The following ZNF561 variants were observed in gnomAD, a reference collection of about 807,000 sequenced individuals.
ZNF561 encodes zinc finger protein 561.
In ZNF561, 16 loss-of-function variants were observed where a neutral mutation model predicts 16.7. The ratio of observed to expected loss-of-function variants is 0.96; its 90% CI spans 0.65 to 1.45. The LOEUF (loss-of-function observed/expected upper bound fraction) is 1.45, where lower values mean the gene tolerates loss of function less well. Among genes scored for constraint, ZNF561 ranks in the 40% most tolerant of loss-of-function variants. The pLI is 0.00. For synonymous variants in ZNF561, 190 were observed against 192.1 expected (o/e 0.99, Z 0.09); for missense variants, 580 against 578.0 (o/e 1.00, Z -0.04).
At chr19:9,612,002 G>T (rs115694358) in intron 5 of ZNF561, among the ~76,000 whole-genome samples, 10 of 151,710 alleles carry the variant, frequency 6.6e-5, no homozygotes, top group South Asian at 6.3e-4. Context: ...ATTTCGGCTC[G>T]TTGCAAACTC....
intron 4 of ZNF561, 50 bp downstream of exon 4, chr19:9,616,995 G>A: frequency 6.4e-7 from 1 of 1,556,240 alleles, no homozygotes; most frequent in Non-Finnish European, 8.7e-7. Flanking sequence ...CCAAGTATCT[G>A]GGACTACAGG....
intron 5 of ZNF561, among the ~76,000 whole-genome samples, 186 bp from the exon 6 acceptor site, chr19:9,611,522 C>T (rs144424530): frequency 8.1e-4 from 123 of 152,176 alleles, no homozygotes; most frequent in African/African-American, 2.8e-3. Context: ...TCTCAGCTAA[C>T]GGCAACCTCC....
At chr19:9,616,759 T>C (rs1035582186) in intron 4 of ZNF561, among the ~76,000 whole-genome samples, 3 of 151,606 alleles carry the variant, frequency 2.0e-5, no homozygotes, top group Non-Finnish European at 4.4e-5. Context: ...GCCCACCTAA[T>C]TTTTTTGAAT....
At position 9,611,211 on chromosome 19, in the gene ZNF561, A is replaced by G; in HGVS notation, c.450T>C (p.Cys150=). 1 of 1,613,914 alleles carries G rather than the reference A, an allele frequency of 6.2e-7. No individual in the cohort carries two copies. Among genetic ancestry groups the G allele is most frequent in the Non-Finnish European group, 8.5e-7 (1 of 1,179,862 alleles). Residue 150 remains cysteine, a synonymous_variant, in exon 6 of 6, where the codon TGT becomes TGC. Coordinates refer to ENST00000302851, the MANE Select transcript of ZNF561 (RefSeq NM_152289.3). ...GCACACTGAGGGTGTCTTTTCCATA[A>G]CAATTACCCTCAGAAGTATTCCCTC... ...QNGGNTSEGN[C]YGKDTLSVHK...
intron 5 of ZNF561, among the ~76,000 whole-genome samples, chr19:9,613,766 C>A (rs974857454): frequency 6.6e-6 from 1 of 152,216 alleles, no homozygotes; most frequent in African/African-American, 2.4e-5. Flanking sequence ...ATCCACCCAT[C>A]TCGGCCTCCC....
In ZNF561 at chr19:9,610,849, G is replaced by A. The variant is rs776030016; in HGVS notation, c.812C>T (p.Pro271Leu). Residue 271 changes from proline (P) to leucine (L), a missense_variant, in exon 6 of 6, where the codon CCT (proline) becomes CTT (leucine). Coordinates refer to ENST00000302851, the MANE Select transcript of ZNF561 (RefSeq NM_152289.3). Reference protein sequence around the residue: ...SFTNFSQLYAPVKTHKGEKSF... With the variant: ...SFTNFSQLYALVKTHKGEKSF... The stretch of plus-strand genomic sequence containing the variant: ...CTTCTCTCCTTTATGAGTTTTCACA[G>A]GTGCATAAAGTTGAGAAAAATTAGT... 4 of 1,614,054 alleles carry A rather than the reference G, an allele frequency of 2.5e-6. No individual in the cohort carries two copies. The highest frequency in any genetic ancestry group is 2.5e-6 in the Non-Finnish European group (3 of 1,180,012).
At chr19:9,618,238 A>G (rs2074594690) in intron 2 of ZNF561, 59 bp from the exon 3 acceptor site, 1 of 1,449,534 alleles carries the variant, frequency 6.9e-7, no homozygotes, top group South Asian at 1.2e-5. Context: ...CCACATTCTC[A>G]TGCCTAGAAG....
chr19:9,619,380 G>A (rs774813258), intron 2 of ZNF561, 52 bp downstream of exon 2: 63 of 1,600,966 alleles, frequency 3.9e-5, no homozygotes, highest in Non-Finnish European at 5.3e-5. Context: ...CTTGTGTTGT[G>A]GAGGGTGACC....
rs573551797 is a variant in ZNF561 at position 9,609,154 on chromosome 19, C to T, written c.*1046G>A. The T allele has an allele frequency of 9.2e-5, 14 of 152,296 alleles. No homozygotes were observed. The highest frequency in any genetic ancestry group is 3.1e-4 in the African/African-American group (13 of 41,572). 9.4% of individuals were successfully genotyped at this position (152,296 alleles called of 1,614,324 possible). A position where few individuals can be genotyped will look rare whatever the true frequency, so the allele number is the denominator to read the frequency against. ...GCAGATAACAAGCCAGAGCCTGTCC[C>T]TTTCTTTCTTGTAAGGAATACTTTT... On this transcript the variant is annotated 3_prime_UTR_variant, in exon 6 of 6. Coordinates refer to ENST00000302851, the MANE Select transcript of ZNF561 (RefSeq NM_152289.3).
intron 5 of ZNF561, among the ~76,000 whole-genome samples, chr19:9,612,950 C>G (rs960065746): frequency 6.6e-6 from 1 of 152,124 alleles, no homozygotes; most frequent in Non-Finnish European, 1.5e-5. Flanking sequence ...TGCATGCCAA[C>G]ACGCCCTGCT....
chr19:9,618,429 G>A (rs575890844), intron 2 of ZNF561, among the ~76,000 whole-genome samples: 1 of 152,254 alleles, frequency 6.6e-6, no homozygotes, highest in East Asian at 1.9e-4. Flanking sequence ...CTTACACCCT[G>A]AAAAATGTGA....
chr19:9,616,786 G>A (rs559890090), intron 4 of ZNF561, among the ~76,000 whole-genome samples: 9 of 151,702 alleles, frequency 5.9e-5, no homozygotes, highest in African/African-American at 1.9e-4. Flanking sequence ...AGTAGAGACG[G>A]GGTTTCACAG....
chr19:9,616,515 A>C (rs1189705473), intron 4 of ZNF561, among the ~76,000 whole-genome samples: 1 of 152,030 alleles, frequency 6.6e-6, no homozygotes, highest in Admixed American at 6.6e-5. Context: ...TCCTGACCGC[A>C]TGTGATCTGC....
In ZNF561 at chr19:9,610,783, G is replaced by C; in HGVS notation, c.878C>G (p.Ser293Cys). The C allele has an allele frequency of 6.2e-7, 1 of 1,614,078 alleles. No individual in the cohort carries two copies. Among genetic ancestry groups the C allele is most frequent in the East Asian group, 2.2e-5 (1 of 44,870 alleles). ...TTGAATGTGATCATTAAGGCATGAG[G>C]AATTTCTAAAGGATCTTCCACATTC... ...CKECGRSFRNSSCLNDHIQIH... is the reference protein window; with the variant it reads ...CKECGRSFRNCSCLNDHIQIH... Residue 293 changes from serine (S) to cysteine (C), a missense_variant, in exon 6 of 6, where the codon TCC becomes TGC. Coordinates refer to ENST00000302851, the MANE Select transcript of ZNF561 (RefSeq NM_152289.3).
At chr19:9,615,411 A>G (rs1264784222) in intron 4 of ZNF561, among the ~76,000 whole-genome samples, 1 of 151,698 alleles carries the variant, frequency 6.6e-6, no homozygotes, top group Non-Finnish European at 1.5e-5. Flanking sequence ...AGCCTGGCCA[A>G]CATAGTGAAA....
At chr19:9,611,443 A>G (rs1433481100) in intron 5 of ZNF561, 107 bp from the exon 6 acceptor site, 8 of 1,211,932 alleles carry the variant, frequency 6.6e-6, no homozygotes, top group African/African-American at 6.2e-5. Context: ...TTACTTTTTA[A>G]TATTTAATTT....
chr19:9,613,483 C>A (rs1264752423), intron 5 of ZNF561, among the ~76,000 whole-genome samples: 1 of 152,038 alleles, frequency 6.6e-6, no homozygotes, highest in South Asian at 2.1e-4. Context: ...GATCCACGTG[C>A]CTAGGCCTCC....
intron 2 of ZNF561, among the ~76,000 whole-genome samples, chr19:9,618,720 C>T (rs1265009071): frequency 6.1e-5 from 9 of 148,328 alleles, no homozygotes; most frequent in East Asian, 4.0e-4. Flanking sequence ...AGCAAGACTC[C>T]GTCTCAAAAA....
chr19:9,608,279 GGAGA>G lies in ZNF561; in HGVS notation c.*1917_*1920del, dbSNP rs942554367. On this transcript the variant is annotated 3_prime_UTR_variant, in exon 6 of 6. Transcript: ENST00000302851. The stretch of plus-strand genomic sequence containing the variant: ...GATGGTGGGGAGAGAGAGAGAAAGA[GGAGA>G]GAGGAGAGAGGAGAAAGGAGAGAGG... 1 of 151,730 alleles carries G rather than the reference GGAGA, an allele frequency of 6.6e-6. No homozygotes were observed. Among genetic ancestry groups the G allele is most frequent in the African/African-American group, 2.4e-5 (1 of 41,296 alleles). 9.4% of individuals were successfully genotyped at this position (151,730 alleles called of 1,614,324 possible).
Sources: gnomAD v4.1 joint callset for allele counts (sites outside exome capture counted in the v4.1 genomes callset) on GRCh38, gnomAD v4.1.1 for gene constraint, MANE v1.5 for transcripts, NCBI Gene and HGNC (gene_info 2026-07-23, HGNC 2026-07-21) for gene names.